The following NDRG3 variants were observed in gnomAD, a reference collection of about 807,000 sequenced individuals.
NDRG3 encodes NDRG family member 3, also known as protein NDRG3.
NDRG3 carries 23 observed loss-of-function variants against 57.2 expected under a neutral mutation model. The ratio of observed to expected loss-of-function variants is 0.40; its 90% CI spans 0.29 to 0.57. The LOEUF is 0.57. Ranked by LOEUF, NDRG3 falls within the 20% of genes least tolerant of loss-of-function variation. The pLI, the probability that NDRG3 is intolerant of heterozygous loss-of-function variation, is 0.42. For synonymous variants in NDRG3, 132 were observed against 162.6 expected (o/e 0.81, Z 1.43); for missense variants, 384 against 457.3 (o/e 0.84, Z 1.46).
At position 36,672,440 on chromosome 20, in the gene NDRG3, T is replaced by G. The variant is rs547854333; in HGVS notation, c.532-1043A>C. On this transcript the variant is annotated intron_variant, in intron 8 of 15. Transcript: ENST00000349004. The stretch of plus-strand genomic sequence containing the variant: ...GCACTGAGGGAGACAGACATGGCTA[T>G]GCCTGGAGTAGGATCATATAGTTCC... Among the ~76,000 whole-genome samples the G allele has an allele frequency of 3.3e-5, 5 of 152,322 alleles. No homozygotes were observed. The South Asian group carries it at 1.0e-3, about 32-fold the overall frequency.
At chr20:36,729,264 C>T (rs375441418) in intron 1 of NDRG3, among the ~76,000 whole-genome samples, 4 of 152,130 alleles carry the variant, frequency 2.6e-5, no homozygotes, top group Admixed American at 6.6e-5. Context: ...AGTTATAACG[C>T]TAAGGGCATA....
At chr20:36,714,975 C>A (rs1272853060) in intron 2 of NDRG3, among the ~76,000 whole-genome samples, 1 of 105,634 alleles carries the variant, frequency 9.5e-6, no homozygotes, top group African/African-American at 3.5e-5. Flanking sequence ...GAATGAAAAT[C>A]CTATATCTGT....
In NDRG3 at chr20:36,690,938, G is replaced by T. The variant is rs1260593430; in HGVS notation, c.94-2154C>A. Among the ~76,000 whole-genome samples the T allele has an allele frequency of 2.0e-5, 3 of 152,354 alleles. No individual in the cohort carries two copies. In the East Asian group the frequency reaches 5.8e-4, roughly 29 times the overall value. ...GATGCCGCACTAAGAGTGGTTGGGT[G>T]GAAAAAAAAGGGACTACTGAAAAGT... On this transcript the variant is annotated intron_variant, in intron 3 of 15. Coordinates refer to ENST00000349004, the MANE Select transcript of NDRG3 (RefSeq NM_032013.4).
At position 36,656,476 on chromosome 20, in the gene NDRG3, T is replaced by C. The variant is rs200956109; in HGVS notation, c.894+21A>G. On this transcript the variant is annotated intron_variant, in intron 14 of 15. Coordinates refer to ENST00000349004, the MANE Select transcript of NDRG3 (RefSeq NM_032013.4). ...ACAGAGAAGCAGAATTAAATGGGTGTTTAAAAAAAATTCTCCTTACCTGAA... is the reference window on the plus strand; with the variant it reads ...ACAGAGAAGCAGAATTAAATGGGTGCTTAAAAAAAATTCTCCTTACCTGAA... The C allele has an allele frequency of 8.1e-6, 13 of 1,614,096 alleles. No homozygotes were observed. In the African/African-American group the frequency reaches 1.7e-4, roughly 22 times the overall value.
rs1303145757 is a variant in NDRG3 at position 36,653,195 on chromosome 20, C to T, written c.*325G>A. Reference sequence around the variant, plus strand: ...GCACACACAAACACAGACACGCGTGCTCGCACACACAGAGTCGGGATCAAA... The same window carrying T: ...GCACACACAAACACAGACACGCGTGTTCGCACACACAGAGTCGGGATCAAA... On this transcript the variant is annotated 3_prime_UTR_variant, in exon 16 of 16. Coordinates refer to ENST00000349004, the MANE Select transcript of NDRG3 (RefSeq NM_032013.4). The surrounding 1 kb of genome is among the most constrained non-coding windows in gnomAD (Gnocchi z 4.2). The T allele has an allele frequency of 4.3e-6, 1 of 233,526 alleles. No individual in the cohort carries two copies. The allele number at this position is 233,526 out of a possible 1,614,324, so 14.5% of individuals were successfully genotyped here.
chr20:36,708,039 G>A (rs549766135), intron 2 of NDRG3, among the ~76,000 whole-genome samples: 5 of 151,634 alleles, frequency 3.3e-5, no homozygotes, highest in East Asian at 3.9e-4. Flanking sequence ...AGCTGAGATC[G>A]CACCACTGTG....
intron 8 of NDRG3, among the ~76,000 whole-genome samples, chr20:36,680,343 C>T (rs1242662184): frequency 2.0e-5 from 3 of 151,318 alleles, no homozygotes; most frequent in Admixed American, 1.3e-4. Context: ...AAAAATTAGC[C>T]GGGCATGGTG....
chr20:36,705,498 C>T, intron 3 of NDRG3, among the ~76,000 whole-genome samples: 1 of 152,036 alleles, frequency 6.6e-6, no homozygotes, highest in South Asian at 2.1e-4. Flanking sequence ...CTTAGAGATT[C>T]CACTGTACTT....
intron 9 of NDRG3, among the ~76,000 whole-genome samples, chr20:36,669,131 A>G (rs147371010): frequency 0.018 from 2,650 of 151,358 alleles, 69 homozygotes; most frequent in African/African-American, 0.061. Context: ...ATCTCGGCTC[A>G]ACGCAACCTT....
rs530165351 is a variant in NDRG3 at position 36,712,619 on chromosome 20, G to A, written c.58-5612C>T. ...TTTTTTTTTTTTTTTTTTTTGAGAC[G>A]GAGTCTTGATCTGCTGCCCAGGCTG... On this transcript the variant is annotated intron_variant, in intron 2 of 15. Transcript: ENST00000349004. Among the ~76,000 whole-genome samples, 158 of 30,462 alleles carry A rather than the reference G, an allele frequency of 5.2e-3. 1 individual carries two copies. Among genetic ancestry groups the A allele is most frequent in the Non-Finnish European group, 8.9e-3 (131 of 14,650 alleles). 20.0% of individuals were successfully genotyped at this position (30,462 alleles called of 152,430 possible). A position where few individuals can be genotyped will look rare whatever the true frequency, so the allele number is the denominator to read the frequency against.
At chr20:36,740,235 T>C (rs1159117151) in intron 1 of NDRG3, among the ~76,000 whole-genome samples, 1 of 152,238 alleles carries the variant, frequency 6.6e-6, no homozygotes, top group Non-Finnish European at 1.5e-5. Context: ...CAGCTCCATA[T>C]CAATAACATT....
chr20:36,656,541 G>A lies in NDRG3; in HGVS notation c.859-9C>T. ...CCCCCACAGTCCGCCATCTAGAAAA[G>A]GAAAAATATGCAAGTCAGCTGGGAC... is the stretch of plus-strand genomic sequence containing the variant. On this transcript the variant is annotated splice_polypyrimidine_tract_variant and intron_variant, in intron 13 of 15. Coordinates refer to ENST00000349004, the MANE Select transcript of NDRG3 (RefSeq NM_032013.4). 6.2e-7 allele frequency: 1 copy of A among 1,613,910 alleles called. No individual in the cohort carries two copies. The highest frequency in any genetic ancestry group is 8.5e-7 in the Non-Finnish European group (1 of 1,179,876).
At chr20:36,665,954 G>C (rs996796456) in intron 10 of NDRG3, among the ~76,000 whole-genome samples, 4 of 152,268 alleles carry the variant, frequency 2.6e-5, no homozygotes, top group South Asian at 2.1e-4. Flanking sequence ...CTTTGAGGAG[G>C]GGGGAGGGGT....
intron 8 of NDRG3, among the ~76,000 whole-genome samples, chr20:36,677,255 C>A (rs918871809): frequency 6.6e-6 from 1 of 152,214 alleles, no homozygotes; most frequent in Admixed American, 6.5e-5. Context: ...CTCCAAGCCC[C>A]GGGGCCATGA....
chr20:36,691,942 A>G (rs961874025), intron 3 of NDRG3, among the ~76,000 whole-genome samples: 39 of 152,296 alleles, frequency 2.6e-4, no homozygotes, highest in Non-Finnish European at 4.9e-4. Context: ...CCCAGTCTTC[A>G]CAGAGATTAT....
intron 3 of NDRG3, among the ~76,000 whole-genome samples, chr20:36,702,432 G>GAT (rs1568654703): frequency 6.6e-6 from 1 of 152,044 alleles, no homozygotes; most frequent in East Asian, 1.9e-4. Flanking sequence ...GACCGCGCCC[G>GAT]GCCCCAATAT....
chr20:36,673,211 A>G (rs1301783323), intron 8 of NDRG3, among the ~76,000 whole-genome samples: 2 of 152,146 alleles, frequency 1.3e-5, no homozygotes, highest in African/African-American at 4.8e-5. Context: ...TTTCCATAGC[A>G]TCTGGCAATA....
intron 1 of NDRG3, among the ~76,000 whole-genome samples, chr20:36,745,784 G>A (rs1245787040): frequency 3.9e-5 from 6 of 152,184 alleles, no homozygotes; most frequent in Non-Finnish European, 7.4e-5. Context: ...TGAGCCCGGA[G>A]GGAGGCTCTC....
intron 3 of NDRG3, among the ~76,000 whole-genome samples, chr20:36,697,709 A>C (rs1457205930): frequency 7.3e-6 from 1 of 136,598 alleles, no homozygotes; most frequent in Non-Finnish European, 1.6e-5. Flanking sequence ...ACTCTGTCTC[A>C]AAAAAAAAAA....
Sources: allele counts gnomAD v4.1 joint callset (sites outside exome capture counted in the v4.1 genomes callset), GRCh38; gene constraint gnomAD v4.1.1; non-coding constraint Gnocchi (gnomAD v3.1); transcripts MANE v1.5; gene names NCBI Gene and HGNC (gene_info 2026-07-23, HGNC 2026-07-21).